Variants in VGLL4 observed in about 807,000 individuals in gnomAD.
The protein encoded by VGLL4 is vestigial like family member 4.
In VGLL4, 7 loss-of-function variants were observed where a neutral mutation model predicts 21.0. That is an observed-to-expected ratio of 0.33 (90% confidence interval 0.19 to 0.63). The LOEUF (loss-of-function observed/expected upper bound fraction) is 0.63, where lower values mean the gene tolerates loss of function less well. VGLL4 is among the 20% of genes least tolerant of loss of function. The pLI is 0.78. For synonymous variants in VGLL4, 222 were observed against 173.2 expected (o/e 1.28, Z -2.21); for missense variants, 394 against 425.7 (o/e 0.93, Z 0.66).
rs1322876950 is a variant in VGLL4, at chr3:11,604,472, C to G, written c.83-2450G>C. ...ACATAAGGTCAGGGACAGGTCCGTT[C>G]AGTTATGTGCCTTTATGCATCTTTG... On this transcript the variant is annotated intron_variant, in intron 1 of 4. Transcript: ENST00000430365. 10 of 957,258 alleles carry G rather than the reference C, an allele frequency of 1.0e-5. 3 individuals are homozygous for G. The highest frequency in any genetic ancestry group is 1.3e-4 in the Admixed American group (2 of 14,844). The allele number at this position is 957,258 out of a possible 1,614,324, so 59.3% of individuals were successfully genotyped here.
At chr3:11,676,896 T>C (rs2076299147) in intron 2 of VGLL4, among the ~76,000 whole-genome samples, 2 of 152,208 alleles carry the variant, frequency 1.3e-5, no homozygotes, top group Admixed American at 6.5e-5. Context: ...GTTTAAAGCA[T>C]TTGATCACTT....
chr3:11,614,180 T>G (rs1288947270), intron 1 of VGLL4, among the ~76,000 whole-genome samples: 2 of 152,248 alleles, frequency 1.3e-5, no homozygotes, highest in Non-Finnish European at 2.9e-5. Context: ...AGAAGCCCTC[T>G]CTGCCAATGC....
chr3:11,629,001 G>A (rs1559910275), intron 1 of VGLL4, among the ~76,000 whole-genome samples: 1 of 151,970 alleles, frequency 6.6e-6, no homozygotes, highest in African/African-American at 2.4e-5. Flanking sequence ...TATCCTTAAT[G>A]ACCAACTACA....
chr3:11,707,355 C>T lies in VGLL4; in HGVS notation c.-13-4308G>A, dbSNP rs1042483832. ...AAAAAAAAAAAAAAAAAAAAAAAGA[C>T]GAAGAAGTTCTGTGTAGGATGGTTT... On this transcript the variant is annotated intron_variant, in intron 1 of 5. Transcript: ENST00000273038. Among the ~76,000 whole-genome samples, 6 of 132,682 alleles carry T rather than the reference C, an allele frequency of 4.5e-5. No individual in the cohort carries two copies. In the East Asian group the frequency reaches 1.2e-3, roughly 27 times the overall value. 87.0% of individuals were successfully genotyped at this position (132,682 alleles called of 152,430 possible). A position where few individuals can be genotyped will look rare whatever the true frequency, so the allele number is the denominator to read the frequency against.
intron 1 of VGLL4, among the ~76,000 whole-genome samples, chr3:11,614,535 G>GC (rs979697333): frequency 2.0e-5 from 3 of 152,202 alleles, no homozygotes; most frequent in East Asian, 1.9e-4. Context: ...TCAGTTCCAA[G>GC]CCCCCCACGG....
chr3:11,676,625 C>A (rs1446731100), intron 2 of VGLL4, among the ~76,000 whole-genome samples: 2 of 151,380 alleles, frequency 1.3e-5, no homozygotes, highest in African/African-American at 4.9e-5. Flanking sequence ...TATTACAAAC[C>A]ATTTAGAACA....
intron 2 of VGLL4, among the ~76,000 whole-genome samples, chr3:11,681,379 C>T (rs2076368308): frequency 6.6e-6 from 1 of 152,174 alleles, no homozygotes; most frequent in Non-Finnish European, 1.5e-5. Context: ...TTACAATACC[C>T]AGTGTGCCTT....
chr3:11,587,550 C>T (rs997369818), intron 2 of VGLL4, among the ~76,000 whole-genome samples: 1 of 152,130 alleles, frequency 6.6e-6, no homozygotes, highest in Non-Finnish European at 1.5e-5. Context: ...AGAAAACAGC[C>T]GAAAAACACT....
intron 1 of VGLL4, among the ~76,000 whole-genome samples, chr3:11,619,359 G>A (rs1269380281): frequency 6.6e-6 from 1 of 152,130 alleles, no homozygotes; most frequent in Non-Finnish European, 1.5e-5. Flanking sequence ...AGAAGAGTGG[G>A]TAACCCAAAA....
At chr3:11,697,612 A>T (rs1371550910) in intron 2 of VGLL4, among the ~76,000 whole-genome samples, 1 of 152,222 alleles carries the variant, frequency 6.6e-6, no homozygotes, top group Non-Finnish European at 1.5e-5. Flanking sequence ...AGAAATCATA[A>T]GAGAAAAGAG....
At chr3:11,658,542 T>C (rs1575502484) in intron 2 of VGLL4, among the ~76,000 whole-genome samples, 3 of 150,936 alleles carry the variant, frequency 2.0e-5, no homozygotes, top group East Asian at 1.9e-4. Context: ...TGCAATATGT[T>C]TGCTGTTTTA....
chr3:11,705,073 T>G (rs2076739395), intron 1 of VGLL4, among the ~76,000 whole-genome samples: 1 of 152,168 alleles, frequency 6.6e-6, no homozygotes, highest in African/African-American at 2.4e-5. Flanking sequence ...AAATTTAGAT[T>G]GGGACCACAT....
chr3:11,659,986 C>A (rs2076015403), intron 2 of VGLL4, among the ~76,000 whole-genome samples: 1 of 151,942 alleles, frequency 6.6e-6, no homozygotes. Flanking sequence ...ACGGTGAAAC[C>A]CTGTCTCTAC....
chr3:11,633,868 G>A (rs1170480591), intron 1 of VGLL4, among the ~76,000 whole-genome samples: 1 of 152,154 alleles, frequency 6.6e-6, no homozygotes, highest in African/African-American at 2.4e-5. Flanking sequence ...GGAAAGTAAG[G>A]CTGAAGAGGT....
At chr3:11,619,940 T>C (rs779503340) in intron 1 of VGLL4, among the ~76,000 whole-genome samples, 2 of 152,212 alleles carry the variant, frequency 1.3e-5, no homozygotes, top group African/African-American at 2.4e-5. Context: ...GTACTTCTGG[T>C]CACACTGGAG....
chr3:11,572,579 T>C (rs2073819305), intron 2 of VGLL4, among the ~76,000 whole-genome samples: 2 of 152,200 alleles, frequency 1.3e-5, no homozygotes, highest in South Asian at 4.1e-4. Context: ...GTTTTGTATT[T>C]GGTGCCTCCT....
intron 1 of VGLL4, among the ~76,000 whole-genome samples, chr3:11,715,481 C>G (rs1001873520): frequency 2.0e-5 from 3 of 151,946 alleles, no homozygotes; most frequent in Admixed American, 6.6e-5. Context: ...TCACAGGTGC[C>G]CACCACCATG....
Position 11,601,866 on chromosome 3 carries a change from A to ACGTGGT in VGLL4, c.233_238dup (p.Asp78_His79dup). ...GTTGAAGATGCGACTCATTTTGGAG[A>ACGTGGT]CGTGGTCGTTGTCACAGTCTAGGTC... On this transcript the variant is annotated inframe_insertion, in exon 2 of 5. Coordinates refer to ENST00000430365, the MANE Select transcript of VGLL4 (RefSeq NM_001128219.3). 6.2e-7 allele frequency: 1 copy of ACGTGGT among 1,613,766 alleles called. No homozygotes were observed. Among genetic ancestry groups the ACGTGGT allele is most frequent in the Non-Finnish European group, 8.5e-7 (1 of 1,179,868 alleles).
At chr3:11,688,942 C>T (rs1405656551) in intron 2 of VGLL4, among the ~76,000 whole-genome samples, 1 of 151,792 alleles carries the variant, frequency 6.6e-6, no homozygotes, top group Non-Finnish European at 1.5e-5. Flanking sequence ...CGCTTGAACC[C>T]GGGAGCTGGA....
Sources: gnomAD v4.1 joint callset for allele counts (sites outside exome capture counted in the v4.1 genomes callset) on GRCh38, gnomAD v4.1.1 for gene constraint, MANE v1.5 for transcripts, NCBI Gene and HGNC (gene_info 2026-07-23, HGNC 2026-07-21) for gene names.